The following PRSS53 variants were observed in gnomAD, a reference collection of about 807,000 sequenced individuals.
PRSS53 encodes the protein EDTP308.
PRSS53 carries 54 observed loss-of-function variants against 62.7 expected under a neutral mutation model. The observed-to-expected ratio is 0.86, with a 90% CI of 0.69 to 1.08. The LOEUF (loss-of-function observed/expected upper bound fraction) is 1.08. Ranked by LOEUF, PRSS53 falls within the 50% of genes least tolerant of loss-of-function variation. The pLI, the probability that PRSS53 is intolerant of heterozygous loss-of-function variation, is 0.00. For synonymous variants in PRSS53, 273 were observed against 300.0 expected (o/e 0.91, Z 0.93); for missense variants, 688 against 728.3 (o/e 0.94, Z 0.64).
chr16:31,085,910 C>T, intron 6 of PRSS53, 54 bp downstream of exon 6: 2 of 1,520,478 alleles, frequency 1.3e-6, no homozygotes, highest in African/African-American at 2.7e-5. Flanking sequence ...CTAGTCCTAA[C>T]TGAGGTTTGC....
chr16:31,084,711 G>A lies in PRSS53; in HGVS notation c.1280-8C>T, dbSNP rs1297777465. 6.2e-7 allele frequency: 1 copy of A among 1,607,794 alleles called. No homozygotes were observed. Reference sequence around the variant, plus strand: ...TCTGGAGGGAGCTGATGCCTGTGGAGCAAGGGAAAGCTGGCTGCCCCGGCC... The same window carrying A: ...TCTGGAGGGAGCTGATGCCTGTGGAACAAGGGAAAGCTGGCTGCCCCGGCC... On this transcript the variant is annotated splice_polypyrimidine_tract_variant and splice_region_variant and intron_variant, in intron 8 of 10. Transcript: ENST00000280606.
chr16:31,084,729 C>T (rs1305554974), intron 8 of PRSS53, 26 bp from the exon 9 acceptor site: 1 of 1,601,658 alleles, frequency 6.2e-7, no homozygotes, highest in Middle Eastern at 1.7e-4. Flanking sequence ...AAGCTGGCTG[C>T]CCCGGCCTGC....
chr16:31,085,381 C>T, intron 6 of PRSS53, 121 bp from the exon 7 acceptor site: 1 of 1,212,140 alleles, frequency 8.2e-7, no homozygotes, highest in Non-Finnish European at 1.1e-6. Flanking sequence ...AACCAAAGTT[C>T]CAGAGAGGTT....
chr16:31,085,081 G>A (rs374546739), intron 7 of PRSS53, 29 bp downstream of exon 7: 16 of 1,612,680 alleles, frequency 9.9e-6, no homozygotes, highest in Non-Finnish European at 1.3e-5. Context: ...AGGGGCAGGG[G>A]GCACAGCAGA....
chr16:31,084,164 C>T lies in PRSS53; in HGVS notation c.1597G>A (p.Glu533Lys), dbSNP rs1425589036. 4 of 1,600,798 alleles carry T rather than the reference C, an allele frequency of 2.5e-6. No homozygotes were observed. In the Admixed American group the frequency reaches 6.9e-5, roughly 28 times the overall value. Residue 533 changes from glutamate (E) to lysine (K), a missense_variant, in exon 10 of 11, where the codon GAA becomes AAA. Glu to Lys is a moderately conservative substitution (Grantham distance 56). Transcript: ENST00000280606. ...CCAGGCTCAGCCTCGGGCTCTGGTTCCTCGGCGAAGTAGACCTGCCAGTCC... is the reference window on the plus strand; with the variant it reads ...CCAGGCTCAGCCTCGGGCTCTGGTTTCTCGGCGAAGTAGACCTGCCAGTCC...
intron 6 of PRSS53, among the ~76,000 whole-genome samples, chr16:31,085,657 A>T (rs537639686): frequency 6.1e-4 from 93 of 152,276 alleles, no homozygotes; most frequent in Non-Finnish European, 1.1e-3. Flanking sequence ...CATGCCAGTC[A>T]CTTAATGCCG....
At chr16:31,086,233 C>G (rs750319115) in intron 5 of PRSS53, 50 bp from the exon 6 acceptor site, 1 of 1,592,362 alleles carries the variant, frequency 6.3e-7, no homozygotes, top group South Asian at 1.1e-5. Context: ...CCAGCTATGG[C>G]AGACACCCTC....
At chr16:31,083,803 G>T (rs1210055869) in exon 11 of PRSS53, 1 of 1,614,070 alleles carries the variant, frequency 6.2e-7, no homozygotes, top group Non-Finnish European at 8.5e-7. Context: ...GCAGCTGGTT[G>T]GTTGGCCTGT....
At chr16:31,088,116 A>T in intron 1 of PRSS53, 32 of 1,359,502 alleles carry the variant, frequency 2.4e-5, no homozygotes, top group Non-Finnish European at 3.0e-5. Flanking sequence ...AGAACCCCCA[A>T]CTCCTGCCCC....
chr16:31,088,557 G>A (rs2057258382), intron 1 of PRSS53, 195 bp downstream of exon 1: 24 of 1,433,382 alleles, frequency 1.7e-5, no homozygotes, highest in Non-Finnish European at 1.8e-6. Flanking sequence ...AACTGCAGCT[G>A]GCCCGAGAAA....
intron 7 of PRSS53, 24 bp from the exon 8 acceptor site, chr16:31,085,048 C>T (rs2057217804): frequency 6.2e-7 from 1 of 1,608,630 alleles, no homozygotes; most frequent in Non-Finnish European, 8.5e-7. Flanking sequence ...GTGTGGACGG[C>T]ACCAGGTGAC....
intron 3 of PRSS53, 68 bp downstream of exon 3, chr16:31,087,469 G>T: frequency 8.1e-7 from 1 of 1,239,686 alleles, no homozygotes; most frequent in Non-Finnish European, 1.2e-6. Flanking sequence ...GACTAGCCTT[G>T]TGGGGCTTGA....
intron 3 of PRSS53, 102 bp from the exon 4 acceptor site, chr16:31,087,000 C>T (rs780475616): frequency 1.5e-4 from 187 of 1,287,224 alleles, no homozygotes; most frequent in Middle Eastern, 2.7e-4. Flanking sequence ...GAGCACTCCA[C>T]GGCTTTTTCT....
chr16:31,084,676 A>T, exon 9 of PRSS53: 1 of 1,612,038 alleles, frequency 6.2e-7, no homozygotes, highest in Non-Finnish European at 8.5e-7. Context: ...CAGGAGGGTC[A>T]CGGGCACTGT....
At chr16:31,088,060 G>T in intron 1 of PRSS53, 3 of 1,422,188 alleles carry the variant, frequency 2.1e-6, no homozygotes, top group Non-Finnish European at 2.8e-6. Context: ...AGCACTCTGG[G>T]GCTTGGGGTT....
chr16:31,088,716 C>T, intron 1 of PRSS53, 36 bp downstream of exon 1: 6 of 1,612,208 alleles, frequency 3.7e-6, no homozygotes, highest in Non-Finnish European at 5.1e-6. Context: ...GAGCCCCCAC[C>T]AGGCCACACC....
intron 5 of PRSS53, 73 bp from the exon 6 acceptor site, chr16:31,086,256 T>C (rs2057232362): frequency 1.3e-6 from 2 of 1,583,318 alleles, no homozygotes; most frequent in African/African-American, 2.7e-5. Flanking sequence ...ATTGCAGGTC[T>C]TTCCCCCAGT....
At position 31,088,537 on chromosome 16, in the gene PRSS53, C is replaced by A. The variant is rs755662244; in HGVS notation, c.58+215G>T. ...CACACACACACAAGACCACAGGCCC[C>A]GCCAACGCAAACTGCAGCTGGCCCG... On this transcript the variant is annotated intron_variant, in intron 1 of 10. Transcript: ENST00000280606. 58 of 1,430,064 alleles carry A rather than the reference C, an allele frequency of 4.1e-5. 3 individuals are homozygous for A. In the Admixed American group the frequency reaches 1.2e-3, roughly 30 times the overall value. The allele number at this position is 1,430,064 out of a possible 1,614,324, so 88.6% of individuals were successfully genotyped here.
chr16:31,086,825 C>T (rs2057239907), exon 4 of PRSS53: 1 of 1,613,606 alleles, frequency 6.2e-7, no homozygotes, highest in East Asian at 2.2e-5. Flanking sequence ...ACCTCTTCGG[C>T]CCCAGGGCTG....
Sources: gnomAD v4.1 joint callset for allele counts (sites outside exome capture counted in the v4.1 genomes callset) on GRCh38, gnomAD v4.1.1 for gene constraint, MANE v1.5 for transcripts, NCBI Gene and HGNC (gene_info 2026-07-23, HGNC 2026-07-21) for gene names.